BLTP3A: variants seen among roughly 807,000 people sequenced by gnomAD.
BLTP3A encodes ICBP90 binding protein 1.
chr6:34,868,649 G>T, the BLTP3A span, among the ~76,000 whole-genome samples: 1 of 150,768 alleles, frequency 6.6e-6, no homozygotes, highest in African/African-American at 2.4e-5. Flanking sequence ...GCTTGAACCG[G>T]GGAGGCGGAG....
At chr6:34,813,746 C>G in the BLTP3A span, among the ~76,000 whole-genome samples, 2 of 152,176 alleles carry the variant, frequency 1.3e-5, no homozygotes, top group Non-Finnish European at 2.9e-5. Flanking sequence ...AATTCAATAT[C>G]TGGTTGCAGT....
At chr6:34,840,502 G>A in the BLTP3A span, among the ~76,000 whole-genome samples, 1 of 151,260 alleles carries the variant, frequency 6.6e-6, no homozygotes, top group Admixed American at 6.6e-5. Context: ...GGAGGTGGAG[G>A]TTGCAGTGAG....
the BLTP3A span, among the ~76,000 whole-genome samples, chr6:34,824,124 GTA>G: frequency 6.6e-6 from 1 of 150,764 alleles, no homozygotes; most frequent in Admixed American, 6.6e-5. Flanking sequence ...TGTAGTTTTG[GTA>G]GAGACTGTTT....
At chr6:34,809,228 A>G in the BLTP3A span, among the ~76,000 whole-genome samples, 1 of 152,054 alleles carries the variant, frequency 6.6e-6, no homozygotes, top group Admixed American at 6.5e-5. Flanking sequence ...CCCTGTCTCT[A>G]CAAAAAATTG....
At chr6:34,839,732 G>T in the BLTP3A span, among the ~76,000 whole-genome samples, 9 of 152,208 alleles carry the variant, frequency 5.9e-5, no homozygotes, top group Non-Finnish European at 1.3e-4. Context: ...TGGCCCGGCT[G>T]CTTGTCCGGG....
At chr6:34,867,240 C>A in the BLTP3A span, 1 of 1,612,370 alleles carries the variant, frequency 6.2e-7, no homozygotes, top group Non-Finnish European at 8.5e-7. Flanking sequence ...GGTCCAGAAT[C>A]TGTTCCACCA....
chr6:34,850,675 G>C, the BLTP3A span, among the ~76,000 whole-genome samples: 2 of 152,030 alleles, frequency 1.3e-5, no homozygotes, highest in East Asian at 3.8e-4. Context: ...TGTGTCAGCT[G>C]ATTTTTTTCA....
the BLTP3A span, among the ~76,000 whole-genome samples, chr6:34,824,617 A>G: frequency 6.6e-6 from 1 of 150,838 alleles, no homozygotes; most frequent in East Asian, 1.9e-4. Context: ...TTCATAATCA[A>G]TTTTCCTGGA....
the BLTP3A span, chr6:34,821,441 TTCTGGC>T: frequency 9.9e-6 from 4 of 405,028 alleles, no homozygotes; most frequent in South Asian, 5.5e-5. Context: ...AGTGCATTTG[TTCTGGC>T]TGGTCTGAGT....
chr6:34,858,737 T>G, the BLTP3A span: 2 of 1,614,216 alleles, frequency 1.2e-6, no homozygotes, highest in African/African-American at 2.7e-5. Context: ...ATGGAAATTC[T>G]GAAAGAAGGC....
the BLTP3A span, among the ~76,000 whole-genome samples, chr6:34,850,389 G>A: frequency 6.6e-6 from 1 of 151,958 alleles, no homozygotes; most frequent in African/African-American, 2.4e-5. Context: ...CTTGGATATT[G>A]GTATCTTCTC....
the BLTP3A span, among the ~76,000 whole-genome samples, chr6:34,801,554 T>C: frequency 6.6e-6 from 1 of 152,140 alleles, no homozygotes; most frequent in Admixed American, 6.5e-5. Flanking sequence ...CTGCAGTACA[T>C]GGAATAATCT....
chr6:34,876,886 G>T, the BLTP3A span: 45 of 152,246 alleles, frequency 3.0e-4, no homozygotes, highest in African/African-American at 1.0e-3. Flanking sequence ...TTTGCTAAGT[G>T]GCCAGACTTG....
At chr6:34,822,333 C>T in the BLTP3A span, among the ~76,000 whole-genome samples, 3 of 151,162 alleles carry the variant, frequency 2.0e-5, no homozygotes, top group East Asian at 5.9e-4. Flanking sequence ...ACCTCTGCCT[C>T]CTGGGTTCAA....
chr6:34,856,306 G>T, the BLTP3A span: 3 of 1,614,162 alleles, frequency 1.9e-6, no homozygotes, highest in Non-Finnish European at 2.5e-6. Flanking sequence ...GGGCCCAGAA[G>T]CTGGTGATGG....
chr6:34,822,823 T>C, the BLTP3A span, among the ~76,000 whole-genome samples: 1 of 149,474 alleles, frequency 6.7e-6, no homozygotes, highest in Admixed American at 6.7e-5. Flanking sequence ...CCCTGCAGCC[T>C]GGGTGATAAG....
chr6:34,829,358 G>A, the BLTP3A span, among the ~76,000 whole-genome samples: 2 of 152,154 alleles, frequency 1.3e-5, no homozygotes, highest in Admixed American at 6.5e-5. Context: ...GTCTTTTGTG[G>A]TTGACTTCTT....
chr6:34,872,019 G>C, the BLTP3A span: 2 of 1,237,008 alleles, frequency 1.6e-6, no homozygotes, highest in Admixed American at 2.2e-5. Flanking sequence ...AAAAGGTTGC[G>C]TGTGCTGCCT....
chr6:34,850,451 A>G, the BLTP3A span, among the ~76,000 whole-genome samples: 281 of 152,302 alleles, frequency 1.8e-3, no homozygotes, highest in African/African-American at 6.2e-3. Context: ...TTTCTACCCC[A>G]ATGTCTCCTT....
Sources: allele counts gnomAD v4.1 joint callset (sites outside exome capture counted in the v4.1 genomes callset), GRCh38; gene constraint gnomAD v4.1.1; transcripts MANE v1.5; gene names NCBI Gene and HGNC (gene_info 2026-07-23, HGNC 2026-07-21).